BMP6: variants seen among roughly 807,000 people sequenced by gnomAD.
The protein encoded by BMP6 is VG-1-R.
Under a neutral mutation model 54.1 loss-of-function variants are expected in BMP6, and 17 were observed. The observed-to-expected ratio is 0.31, with a 90% CI of 0.22 to 0.47. The LOEUF (loss-of-function observed/expected upper bound fraction) is 0.47. BMP6 is among the 20% of genes least tolerant of loss of function. The probability of loss-of-function intolerance (pLI) is 1.00; values close to 1 mark genes in which losing one functional copy is unlikely to be tolerated. For missense variants in BMP6, 720 were observed against 690.4 expected (o/e 1.04, Z -0.48); for synonymous variants, 328 against 291.2 (o/e 1.13, Z -1.28).
chr6:7,843,424 TTTTTC>T (rs544397452), intron 1 of BMP6, among the ~76,000 whole-genome samples: 33 of 151,476 alleles, frequency 2.2e-4, no homozygotes, highest in African/African-American at 3.1e-4. Context: ...TTAGCTCTTT[TTTTTC>T]TTTTCTTTTC....
chr6:7,878,258 T>G (rs1292793961), intron 4 of BMP6, among the ~76,000 whole-genome samples: 1 of 152,202 alleles, frequency 6.6e-6, no homozygotes, highest in Admixed American at 6.5e-5. Context: ...ACTGAGTTCT[T>G]GGAGGGAGGA....
intron 1 of BMP6, among the ~76,000 whole-genome samples, chr6:7,750,520 G>A (rs1757406361): frequency 6.6e-6 from 1 of 152,244 alleles, no homozygotes; most frequent in South Asian, 2.1e-4. Flanking sequence ...TTGCAATAAC[G>A]ATAACTTATT....
At chr6:7,742,971 C>CTT (rs1041930665) in intron 1 of BMP6, among the ~76,000 whole-genome samples, 3 of 152,114 alleles carry the variant, frequency 2.0e-5, no homozygotes, top group African/African-American at 7.2e-5. Context: ...GATATAAACA[C>CTT]TTTCATTTCC....
chr6:7,794,040 C>T (rs1165132819), intron 1 of BMP6, among the ~76,000 whole-genome samples: 3 of 152,206 alleles, frequency 2.0e-5, no homozygotes, highest in South Asian at 2.1e-4. Context: ...TGCTCTCATT[C>T]GCAAGCTCTG....
intron 2 of BMP6, among the ~76,000 whole-genome samples, chr6:7,851,428 T>C (rs1224754323): frequency 2.0e-5 from 3 of 152,216 alleles, no homozygotes; most frequent in Admixed American, 1.3e-4. Context: ...TAGCATACCA[T>C]TGATTTTAAT....
intron 1 of BMP6, among the ~76,000 whole-genome samples, chr6:7,789,102 G>A (rs376773372): frequency 3.3e-5 from 5 of 152,088 alleles, no homozygotes; most frequent in African/African-American, 1.2e-4. Context: ...CCATCACCTC[G>A]GTGTTGTTAA....
At chr6:7,876,423 C>T (rs1474815195) in intron 4 of BMP6, among the ~76,000 whole-genome samples, 1 of 152,190 alleles carries the variant, frequency 6.6e-6, no homozygotes, top group Non-Finnish European at 1.5e-5. Flanking sequence ...GTCATTATGT[C>T]TTCAAATACT....
At chr6:7,864,694 C>T (rs1411626302) in intron 4 of BMP6, among the ~76,000 whole-genome samples, 1 of 152,116 alleles carries the variant, frequency 6.6e-6, no homozygotes, top group Non-Finnish European at 1.5e-5. Context: ...GATCCACCGC[C>T]CAGCGTGATG....
intron 1 of BMP6, among the ~76,000 whole-genome samples, chr6:7,757,302 T>C (rs1372013914): frequency 6.6e-6 from 1 of 152,236 alleles, no homozygotes; most frequent in East Asian, 1.9e-4. Flanking sequence ...CAGCAGGCAG[T>C]GCTCCCCCTG....
At chr6:7,843,564 A>G (rs1401858303) in intron 1 of BMP6, among the ~76,000 whole-genome samples, 1 of 151,854 alleles carries the variant, frequency 6.6e-6, no homozygotes, top group African/African-American at 2.4e-5. Flanking sequence ...TTTTCTACCC[A>G]CAAACCTTGG....
intron 1 of BMP6, among the ~76,000 whole-genome samples, chr6:7,822,897 T>TTGTGTGTG (rs56161444): frequency 0.011 from 1,383 of 121,302 alleles, 10 homozygotes; most frequent in African/African-American, 0.032. Flanking sequence ...TTGGTGCTGG[T>TTGTGTGTG]TGTGTGTGTG....
At chr6:7,862,999 GT>G (rs1759361295) in intron 4 of BMP6, among the ~76,000 whole-genome samples, 1 of 151,908 alleles carries the variant, frequency 6.6e-6, no homozygotes, top group African/African-American at 2.4e-5. Flanking sequence ...TTTTTTTGTT[GT>G]TGTTGTTTGT....
intron 5 of BMP6, among the ~76,000 whole-genome samples, chr6:7,879,373 G>A (rs556472413): frequency 6.6e-6 from 1 of 152,292 alleles, no homozygotes; most frequent in South Asian, 2.1e-4. Context: ...TAGGGTGCCT[G>A]AGCTCTGTGA....
chr6:7,830,179 C>T (rs1240544985), intron 1 of BMP6, among the ~76,000 whole-genome samples: 1 of 152,098 alleles, frequency 6.6e-6, no homozygotes, highest in Admixed American at 6.5e-5. Flanking sequence ...TCACTCTCTC[C>T]TCTCTCTCAT....
At chr6:7,763,552 GC>G (rs137988945) in intron 1 of BMP6, among the ~76,000 whole-genome samples, 1,571 of 152,296 alleles carry the variant, frequency 0.01, 12 homozygotes, top group Non-Finnish European at 0.015. Context: ...CATGCTAAAA[GC>G]TATTTGCTAC....
At chr6:7,800,351 C>A (rs1052064180) in intron 1 of BMP6, among the ~76,000 whole-genome samples, 1 of 152,078 alleles carries the variant, frequency 6.6e-6, no homozygotes, top group African/African-American at 2.4e-5. Context: ...AAAAAAGAGT[C>A]AGATAATTCC....
rs76208365 is a variant in BMP6 at position 7,821,351 on chromosome 6, T to C, written c.665-23789T>C. On this transcript the variant is annotated intron_variant, in intron 1 of 6. Transcript: ENST00000283147. ...GTTCTTGCATTGTGCCCATGACTGC[T>C]GAGCCTTGGGCCAACTCTTTTGTCA... Among the ~76,000 whole-genome samples the C allele has an allele frequency of 8.6e-3, 1,310 of 152,262 alleles. 17 individuals carry two copies. The highest frequency in any genetic ancestry group is 0.029 in the African/African-American group (1,218 of 41,544).
At chr6:7,729,385 G>C (rs191639603) in intron 1 of BMP6, among the ~76,000 whole-genome samples, 4 of 149,966 alleles carry the variant, frequency 2.7e-5, no homozygotes, top group South Asian at 4.3e-4. Context: ...TTGCCTCTTG[G>C]GGGTAGTCCT....
chr6:7,751,268 A>G (rs577642840), intron 1 of BMP6, among the ~76,000 whole-genome samples: 1 of 152,326 alleles, frequency 6.6e-6, no homozygotes, highest in South Asian at 2.1e-4. Context: ...TCCTCTGGCA[A>G]AGAAATGGAG....
Sources: allele counts gnomAD v4.1 joint callset (sites outside exome capture counted in the v4.1 genomes callset), GRCh38; gene constraint gnomAD v4.1.1; transcripts MANE v1.5; gene names NCBI Gene and HGNC (gene_info 2026-07-23, HGNC 2026-07-21).